The following BDP1 variants were observed in gnomAD, a reference collection of about 807,000 sequenced individuals.
BDP1 encodes the protein BDP1 general transcription factor IIIB subunit.
Under a neutral mutation model 266.6 loss-of-function variants are expected in BDP1, and 169 were observed. The ratio of observed to expected loss-of-function variants is 0.63; its 90% CI spans 0.56 to 0.72. The LOEUF (loss-of-function observed/expected upper bound fraction) is 0.72, where lower values mean the gene tolerates loss of function less well. Among genes scored for constraint, BDP1 ranks in the 30% least tolerant of loss-of-function variants. BDP1 has a pLI of 0.00. For missense variants in BDP1, 3,015 were observed against 3,053.8 expected (o/e 0.99, Z 0.30); for synonymous variants, 1,090 against 1,022.4 (o/e 1.07, Z -1.26).
At chr5:71,500,657 C>T (rs1764179848) in intron 13 of BDP1, among the ~76,000 whole-genome samples, 4 of 152,052 alleles carry the variant, frequency 2.6e-5, no homozygotes, top group Admixed American at 6.5e-5. Flanking sequence ...TTTCATTATT[C>T]CCTTGCAACC....
In BDP1 at chr5:71,544,351, T is replaced by C. The variant is rs750675947; in HGVS notation, c.6413-6T>C. 1 of 1,606,730 alleles carries C rather than the reference T, an allele frequency of 6.2e-7. No homozygotes were observed. Among genetic ancestry groups the C allele is most frequent in the Admixed American group, 1.7e-5 (1 of 58,004 alleles). ...GTCTATATCGTAAGTGTGCTTTTTG[T>C]TTAAGAAACAGAGAAAAATGCTTCC... On this transcript the variant is annotated splice_region_variant and splice_polypyrimidine_tract_variant and intron_variant, in intron 30 of 38. Coordinates refer to ENST00000358731, the MANE Select transcript of BDP1 (RefSeq NM_018429.3).
At chr5:71,549,774 C>T (rs1742615104) in intron 34 of BDP1, among the ~76,000 whole-genome samples, 168 bp downstream of exon 34, 1 of 152,088 alleles carries the variant, frequency 6.6e-6, no homozygotes, top group African/African-American at 2.4e-5. Flanking sequence ...GATTTTATAT[C>T]TGATAAAGAT....
intron 8 of BDP1, among the ~76,000 whole-genome samples, chr5:71,485,184 G>A (rs1052575894): frequency 2.2e-4 from 33 of 152,152 alleles, no homozygotes; most frequent in African/African-American, 8.0e-4. Context: ...AGTGTTGTAT[G>A]CCTATAGGCC....
Position 71,524,114 on chromosome 5 carries a change from A to G in BDP1, c.5563A>G (p.Lys1855Glu), listed in dbSNP as rs1765647540. The G allele has an allele frequency of 1.2e-6, 2 of 1,614,212 alleles. No homozygotes were observed. Among genetic ancestry groups the G allele is most frequent in the Non-Finnish European group, 1.7e-6 (2 of 1,180,036 alleles). Reference protein sequence around the residue: ...GSKRVRGKTSKKEPRASKAML... With the variant: ...GSKRVRGKTSEKEPRASKAML... ...AAAACGAGTTCGGGGTAAGACCTCT[A>G]AGAAGGAACCTAGAGCTTCCAAGGC... is the stretch of plus-strand genomic sequence containing the variant. The change falls in exon 25 of 39, where the codon AAG becomes GAG. Residue 1855 changes from lysine to glutamate, a missense_variant. This residue lies in a region of BDP1 where 2,383 missense variants were observed against 2,404.9 expected (regional missense o/e 0.99). Coordinates refer to ENST00000358731, the MANE Select transcript of BDP1 (RefSeq NM_018429.3).
Position 71,510,466 on chromosome 5 carries a change from T to G in BDP1, c.3374T>G (p.Ile1125Ser), listed in dbSNP as rs771099500. 1.6e-5 allele frequency: 26 copies of G among 1,595,278 alleles called. No homozygotes were observed. Among genetic ancestry groups the G allele is most frequent in the Middle Eastern group, 1.7e-4 (1 of 5,962 alleles). ...GATTTGAAAGCAACCGGAAGGGAGA[T>G]TTCCCCAAGGGAGAAGACACCAGAG... ...QTDLKATGRE[I>S]SPREKTPEVI... Residue 1125 changes from isoleucine (I) to serine (S), a missense_variant, in exon 17 of 39, where the codon ATT becomes AGT. Physicochemically the swap from Ile to Ser is moderately radical, Grantham distance 142. This residue lies in a region of BDP1 where 2,383 missense variants were observed against 2,404.9 expected (regional missense o/e 0.99). Transcript: ENST00000358731.
At chr5:71,571,750 C>G (rs1046878348), downstream of BDP1, among the ~76,000 whole-genome samples, 2 of 152,190 alleles carry the variant, frequency 1.3e-5, no homozygotes, top group Non-Finnish European at 2.9e-5. Flanking sequence ...TCTCCTGCCT[C>G]AGCCTCCCGA....
intron 22 of BDP1, among the ~76,000 whole-genome samples, chr5:71,519,954 C>A (rs776660237): frequency 3.9e-5 from 6 of 152,166 alleles, no homozygotes; most frequent in Non-Finnish European, 8.8e-5. Flanking sequence ...TTTCCCATTT[C>A]TCCACATCCT....
chr5:71,497,554 A>G lies in BDP1; in HGVS notation c.1956+128A>G, dbSNP rs570125024. The G allele has an allele frequency of 8.3e-4, 556 of 670,836 alleles. 1 individual carries two copies. Among genetic ancestry groups the G allele is most frequent in the Non-Finnish European group, 1.2e-3 (498 of 407,446 alleles). The allele number at this position is 670,836 out of a possible 1,614,324, so 41.6% of individuals were successfully genotyped here. A position where few individuals can be genotyped will look rare whatever the true frequency, so the allele number is the denominator to read the frequency against. The stretch of plus-strand genomic sequence containing the variant: ...TATTAAAACAGATACAAGAACTTAC[A>G]TTAACATTAGATTTGTTCGTATCTT... On this transcript the variant is annotated intron_variant, in intron 13 of 38. Coordinates refer to ENST00000358731, the MANE Select transcript of BDP1 (RefSeq NM_018429.3).
chr5:71,512,771 T>C (rs1029637189), intron 18 of BDP1, among the ~76,000 whole-genome samples: 1 of 152,130 alleles, frequency 6.6e-6, no homozygotes, highest in Non-Finnish European at 1.5e-5. Context: ...GAATTAGAAT[T>C]AGGCCAAGTA....
chr5:71,531,554 G>A (rs557183741), intron 25 of BDP1, among the ~76,000 whole-genome samples: 1 of 152,230 alleles, frequency 6.6e-6, no homozygotes, highest in South Asian at 2.1e-4. Flanking sequence ...TGTTGCCCAA[G>A]CTAGAGTGCA....
At position 71,455,857 on chromosome 5, in the gene BDP1, C is replaced by T. The variant is rs1220219651; in HGVS notation, c.-21C>T. The T allele has an allele frequency of 1.9e-6, 3 of 1,550,556 alleles. No individual in the cohort carries two copies. The highest frequency in any genetic ancestry group is 4.8e-5 in the East Asian group (2 of 41,334). ...CTGTGAGCGGCCGTGAGGCTGCCTC[C>T]CCGGGCCCCCTGCCTCCGCCATGTT... On this transcript the variant is annotated 5_prime_UTR_variant, in exon 1 of 39. Coordinates refer to ENST00000358731, the MANE Select transcript of BDP1 (RefSeq NM_018429.3).
At chr5:71,554,923 C>T (rs1489497919) in intron 35 of BDP1, among the ~76,000 whole-genome samples, 1 of 152,232 alleles carries the variant, frequency 6.6e-6, no homozygotes, top group African/African-American at 2.4e-5. Flanking sequence ...ACCTGAAAAG[C>T]CAAAATCTGA....
In BDP1 at chr5:71,497,430, TG is replaced by T. The variant is rs1763964439; in HGVS notation, c.1956+8del. 1 of 1,606,536 alleles carries T rather than the reference TG, an allele frequency of 6.2e-7. No individual in the cohort carries two copies. The highest frequency in any genetic ancestry group is 8.5e-7 in the Non-Finnish European group (1 of 1,176,984). Reference sequence around the variant, plus strand: ...TTCAAAAACTTCAGTTGAAAAGGTATGGGGTAAGAGATTTCATGGAAATTAA... The same window carrying T: ...TTCAAAAACTTCAGTTGAAAAGGTATGGGTAAGAGATTTCATGGAAATTAA... On this transcript the variant is annotated splice_donor_5th_base_variant and intron_variant, in intron 13 of 38. Transcript: ENST00000358731.
rs528575620 is a variant in BDP1, at chr5:71,474,027, C to T, written c.1014+3538C>T. Among the ~76,000 whole-genome samples, 42 of 152,226 alleles carry T rather than the reference C, an allele frequency of 2.8e-4. No individual in the cohort carries two copies. The South Asian group carries it at 8.1e-3, about 29-fold the overall frequency. On this transcript the variant is annotated intron_variant, in intron 7 of 38. Transcript: ENST00000358731. Reference sequence around the variant, plus strand: ...ACAGAGTCTTGCTCTGTCGCCCAGGCTGGAGTGCAGTGGCGGATCTCGGCT... The same window carrying T: ...ACAGAGTCTTGCTCTGTCGCCCAGGTTGGAGTGCAGTGGCGGATCTCGGCT...
At chr5:71,556,817 A>T in intron 35 of BDP1, 69 bp from the exon 36 acceptor site, 1 of 721,794 alleles carries the variant, frequency 1.4e-6, no homozygotes, top group Non-Finnish European at 2.2e-6. Context: ...AAAGAAAAAA[A>T]GGAAATAAAA....
chr5:71,553,139 T>C lies in BDP1; in HGVS notation c.7019T>C (p.Val2340Ala). The part of the protein sequence containing the change: ...DMSICLPATS[V>A]GQDAMGLSIS... ...AGTATTTGTTTACCAGCAACTTCAG[T>C]TGGTCAAGATGCCATGGGTTTATCT... The change falls in exon 35 of 39, where the codon GTT becomes GCT. Residue 2340 changes from valine (V) to alanine (A), a missense_variant. Around this residue, in one of 3 missense-constraint regions of BDP1, gnomAD observed 629 missense variants for 632.5 expected, o/e 0.99. Transcript: ENST00000358731. 1.2e-6 allele frequency: 2 copies of C among 1,612,362 alleles called. No individual in the cohort carries two copies. The highest frequency in any genetic ancestry group is 1.7e-6 in the Non-Finnish European group (2 of 1,179,828).
intron 10 of BDP1, 89 bp downstream of exon 10, chr5:71,489,771 T>G: frequency 8.9e-7 from 1 of 1,122,252 alleles, no homozygotes. Flanking sequence ...TCTGTCTAGA[T>G]AGCAATTAAT....
downstream of BDP1, among the ~76,000 whole-genome samples, chr5:71,571,652 G>A (rs1311170864): frequency 1.3e-5 from 2 of 151,780 alleles, no homozygotes; most frequent in African/African-American, 4.8e-5. Flanking sequence ...ATTTATTTTT[G>A]AGATGGAGTT....
chr5:71,497,330 A>C lies in BDP1; in HGVS notation c.1860A>C (p.Lys620Asn), dbSNP rs1468457793. The change falls in exon 13 of 39, where the codon AAA (lysine) becomes AAC (asparagine). Residue 620 changes from lysine to asparagine, a missense_variant. Lys to Asn is a moderately conservative substitution (Grantham distance 94). This residue lies in a region of BDP1 where 2,383 missense variants were observed against 2,404.9 expected (regional missense o/e 0.99). Coordinates refer to ENST00000358731, the MANE Select transcript of BDP1 (RefSeq NM_018429.3). The part of the protein sequence containing the change: ...PMLRGRFQRP[K>N]PNLSRAGKKS... ...TGAGAGGTCGCTTCCAAAGACCTAA[A>C]CCCAATTTGTCAAGGGCTGGGAAGA... 1 of 1,613,922 alleles carries C rather than the reference A, an allele frequency of 6.2e-7. No homozygotes were observed. The highest frequency in any genetic ancestry group is 8.5e-7 in the Non-Finnish European group (1 of 1,179,908).
Sources: allele counts gnomAD v4.1 joint callset (sites outside exome capture counted in the v4.1 genomes callset), GRCh38; gene constraint gnomAD v4.1.1; regional missense constraint gnomAD v4.1.1; transcripts MANE v1.5; gene names NCBI Gene and HGNC (gene_info 2026-07-23, HGNC 2026-07-21).